Variants in BMP6 observed in about 807,000 individuals in gnomAD.
The protein encoded by BMP6 is bone morphogenetic protein 6.
Under a neutral mutation model 54.1 loss-of-function variants are expected in BMP6, and 17 were observed. The observed-to-expected ratio is 0.31, with a 90% CI of 0.22 to 0.47. The LOEUF (loss-of-function observed/expected upper bound fraction) is 0.47, where lower values mean the gene tolerates loss of function less well. Ranked by LOEUF, BMP6 falls within the 20% of genes least tolerant of loss-of-function variation. The pLI, the probability that BMP6 is intolerant of heterozygous loss-of-function variation, is 1.00. For missense variants in BMP6, 720 were observed against 690.4 expected, an observed-to-expected ratio of 1.04 and a Z score of -0.48; for synonymous variants, 328 against 291.2, an observed-to-expected ratio of 1.13 and a Z score of -1.28.
intron 1 of BMP6, among the ~76,000 whole-genome samples, chr6:7,753,790 G>A (rs1757461708): frequency 6.6e-6 from 1 of 152,156 alleles, no homozygotes; most frequent in Non-Finnish European, 1.5e-5. Context: ...GATATGTTGT[G>A]CTTTCTATTT....
chr6:7,866,706 C>G (rs1204518765), intron 4 of BMP6, among the ~76,000 whole-genome samples: 6 of 152,192 alleles, frequency 3.9e-5, no homozygotes, highest in Non-Finnish European at 8.8e-5. Context: ...ACATTATCTG[C>G]ACTTTAATGA....
intron 1 of BMP6, among the ~76,000 whole-genome samples, chr6:7,756,819 C>G (rs745482146): frequency 3.9e-5 from 6 of 152,198 alleles, no homozygotes; most frequent in Non-Finnish European, 8.8e-5. Flanking sequence ...ACCTAATACT[C>G]CATATATTAT....
At chr6:7,767,960 T>G (rs937232999) in intron 1 of BMP6, among the ~76,000 whole-genome samples, 2 of 152,094 alleles carry the variant, frequency 1.3e-5, no homozygotes, top group Non-Finnish European at 2.9e-5. Flanking sequence ...TGGTCTCAGC[T>G]TTTTTCTTTA....
chr6:7,739,570 TA>T (rs1357103372), intron 1 of BMP6, among the ~76,000 whole-genome samples: 2 of 152,208 alleles, frequency 1.3e-5, no homozygotes, highest in African/African-American at 2.4e-5. Flanking sequence ...GATAGTAAGA[TA>T]GGGGAGAATT....
At chr6:7,849,258 T>C (rs1417286724) in intron 2 of BMP6, among the ~76,000 whole-genome samples, 1 of 152,206 alleles carries the variant, frequency 6.6e-6, no homozygotes, top group Middle Eastern at 3.2e-3. Context: ...TCTGGTACTT[T>C]GATGTCTAAG....
At chr6:7,825,616 A>C (rs1406816902) in intron 1 of BMP6, among the ~76,000 whole-genome samples, 1 of 151,874 alleles carries the variant, frequency 6.6e-6, no homozygotes, top group African/African-American at 2.4e-5. Flanking sequence ...GCTACTCGGG[A>C]GGCTGAGGCA....
chr6:7,859,913 G>C (rs1759308318), intron 2 of BMP6, among the ~76,000 whole-genome samples: 1 of 152,178 alleles, frequency 6.6e-6, no homozygotes, highest in Non-Finnish European at 1.5e-5. Flanking sequence ...ATGGAGGCAG[G>C]AGAAACTGTT....
intron 1 of BMP6, among the ~76,000 whole-genome samples, chr6:7,737,970 T>C (rs80071929): frequency 7.2e-6 from 1 of 138,380 alleles, no homozygotes; most frequent in African/African-American, 3.4e-5. Context: ...ATTTTCTTCT[T>C]TTTTTTTTCT....
At chr6:7,873,870 A>G (rs556599698) in intron 4 of BMP6, among the ~76,000 whole-genome samples, 1 of 152,098 alleles carries the variant, frequency 6.6e-6, no homozygotes, top group African/African-American at 2.4e-5. Context: ...TGCTTTTTAC[A>G]TGACCAAATG....
intron 1 of BMP6, among the ~76,000 whole-genome samples, chr6:7,774,497 A>C (rs1757834812): frequency 6.6e-6 from 1 of 152,240 alleles, no homozygotes; most frequent in Admixed American, 6.5e-5. Flanking sequence ...GGTTGCAGTG[A>C]GCCAAGATCG....
intron 1 of BMP6, among the ~76,000 whole-genome samples, chr6:7,789,159 C>T (rs376637018): frequency 1.2e-4 from 19 of 152,260 alleles, no homozygotes; most frequent in African/African-American, 3.4e-4. Flanking sequence ...TCGTTCATCT[C>T]GCACAGCAGG....
chr6:7,764,136 G>A (rs1024672656), intron 1 of BMP6, among the ~76,000 whole-genome samples: 19 of 152,188 alleles, frequency 1.2e-4, no homozygotes, highest in African/African-American at 4.3e-4. Flanking sequence ...TGTCTCCTCC[G>A]TATTCCAGGA....
intron 3 of BMP6, among the ~76,000 whole-genome samples, chr6:7,861,969 C>T (rs1759342441): frequency 6.6e-6 from 1 of 152,168 alleles, no homozygotes; most frequent in Non-Finnish European, 1.5e-5. Context: ...CCTCCTGCAG[C>T]ATCAGAGCCA....
At chr6:7,763,298 G>T (rs928762295) in intron 1 of BMP6, among the ~76,000 whole-genome samples, 1 of 152,136 alleles carries the variant, frequency 6.6e-6, no homozygotes, top group African/African-American at 2.4e-5. Context: ...CAAGAGGCCT[G>T]TAAGTATTCA....
chr6:7,790,932 A>AC (rs1303739794), intron 1 of BMP6, among the ~76,000 whole-genome samples: 3 of 152,154 alleles, frequency 2.0e-5, no homozygotes, highest in African/African-American at 7.2e-5. Context: ...GTTCGAGTCC[A>AC]CCCTTTCTGT....
intron 1 of BMP6, among the ~76,000 whole-genome samples, chr6:7,800,593 G>A (rs1758254988): frequency 6.6e-6 from 1 of 151,994 alleles, no homozygotes; most frequent in African/African-American, 2.4e-5. Flanking sequence ...TTAAGCTCTG[G>A]GGGTTTGATT....
intron 1 of BMP6, among the ~76,000 whole-genome samples, chr6:7,740,432 T>C (rs1242281524): frequency 1.3e-5 from 2 of 152,146 alleles, no homozygotes; most frequent in Non-Finnish European, 2.9e-5. Context: ...TACAAGTGCA[T>C]TCGTAGAAAA....
At position 7,879,983 on chromosome 6, in the gene BMP6, A is replaced by C. The variant is rs1426678201; in HGVS notation, c.1282-8A>C. 1.2e-6 allele frequency: 2 copies of C among 1,613,000 alleles called. No homozygotes were observed. The highest frequency in any genetic ancestry group is 1.7e-6 in the Non-Finnish European group (2 of 1,179,004). On this transcript the variant is annotated splice_region_variant and splice_polypyrimidine_tract_variant and intron_variant, in intron 5 of 6. Coordinates refer to ENST00000283147, the MANE Select transcript of BMP6 (RefSeq NM_001718.6). The stretch of plus-strand genomic sequence containing the variant: ...CATCTTTTGTTGCTTCCTTTGCATG[A>C]AATTAAGGACTGGATCATTGCACCC...
intron 1 of BMP6, among the ~76,000 whole-genome samples, chr6:7,733,970 A>G (rs1761915638): frequency 6.6e-6 from 1 of 152,082 alleles, no homozygotes; most frequent in Non-Finnish European, 1.5e-5. Context: ...CCCCCTGTTC[A>G]CCTTTTACTA....
Sources: gnomAD v4.1 joint callset for allele counts (sites outside exome capture counted in the v4.1 genomes callset) on GRCh38, gnomAD v4.1.1 for gene constraint, MANE v1.5 for transcripts, NCBI Gene and HGNC (gene_info 2026-07-23, HGNC 2026-07-21) for gene names.